TG: variants seen among roughly 807,000 people sequenced by gnomAD.
TG encodes the protein thyroglobulin.
In TG, 270 loss-of-function variants were observed where a neutral mutation model predicts 324.7. That is an observed-to-expected ratio of 0.83 (90% CI 0.75 to 0.92). The LOEUF (loss-of-function observed/expected upper bound fraction) is 0.92. Ranked by LOEUF, TG falls within the 40% of genes least tolerant of loss-of-function variation. The probability of loss-of-function intolerance (pLI) is 0.00; values close to 1 mark genes in which losing one functional copy is unlikely to be tolerated. For missense variants in TG, 3,591 were observed against 3,456.4 expected (o/e 1.04, Z -0.98); for synonymous variants, 1,401 against 1,327.0 (o/e 1.06, Z -1.21).
In TG at chr8:132,886,822, A is replaced by G; in HGVS notation, c.1450A>G (p.Asn484Asp). The G allele has an allele frequency of 6.2e-7, 1 of 1,614,180 alleles. No homozygotes were observed. Among genetic ancestry groups the G allele is most frequent in the South Asian group, 1.1e-5 (1 of 91,076 alleles). Residue 484 changes from asparagine (N) to aspartate (D), a missense_variant, in exon 9 of 48, where the codon AAC (asparagine) becomes GAC (aspartate). Transcript: ENST00000220616. ...GKFLVNVGQFNLSGALGTRGT... is the reference protein window; with the variant it reads ...GKFLVNVGQFDLSGALGTRGT... ...ATTTTTGGTGAATGTTGGCCAGTTT[A>G]ACTTGTCTGGAGCCCTTGGCACAAG... is the stretch of plus-strand genomic sequence containing the variant.
chr8:132,908,139 A>T, intron 17 of TG, 47 bp from the exon 18 acceptor site: 1 of 1,608,848 alleles, frequency 6.2e-7, no homozygotes, highest in East Asian at 2.2e-5. Flanking sequence ...AAAGAAAATA[A>T]CTCTACAGGC....
rs761122665 is a variant in TG, at chr8:132,873,145, G to A, written c.562G>A (p.Glu188Lys). 3 of 1,614,202 alleles carry A rather than the reference G, an allele frequency of 1.9e-6. No homozygotes were observed. Among genetic ancestry groups the A allele is most frequent in the Admixed American group, 3.3e-5 (2 of 60,028 alleles). The change falls in exon 5 of 48, where the codon GAG (glutamate) becomes AAG (lysine). Residue 188 changes from glutamate (E) to lysine (K), a missense_variant. Glu to Lys is a moderately conservative substitution (Grantham distance 56). Coordinates refer to ENST00000220616, the MANE Select transcript of TG (RefSeq NM_003235.5). ...KSPPQCSAEG[E>K]FMPVQCKFVN... ...ACCACCCCAGTGTTCTGCGGAGGGA[G>A]AGTTTATGCCTGTCCAGTGCAAATT...
chr8:132,936,693 C>G (rs1419919252), intron 25 of TG, among the ~76,000 whole-genome samples: 1 of 152,192 alleles, frequency 6.6e-6, no homozygotes, highest in Non-Finnish European at 1.5e-5. Flanking sequence ...TCCCTGGAAT[C>G]CTGAGGTCTG....
chr8:132,993,218 A>C (rs890044445), intron 35 of TG, among the ~76,000 whole-genome samples: 1 of 152,234 alleles, frequency 6.6e-6, no homozygotes, highest in African/African-American at 2.4e-5. Context: ...ATTTAAAGGT[A>C]AAAGTGATCA....
At chr8:133,089,651 G>A (rs546692714) in intron 41 of TG, among the ~76,000 whole-genome samples, 1 of 152,234 alleles carries the variant, frequency 6.6e-6, no homozygotes, top group African/African-American at 2.4e-5. Context: ...CCATCTGCCT[G>A]CCATTCATTC....
At chr8:133,111,604 A>G (rs1409633271) in intron 43 of TG, among the ~76,000 whole-genome samples, 1 of 152,204 alleles carries the variant, frequency 6.6e-6, no homozygotes, top group East Asian at 1.9e-4. Flanking sequence ...GGTAGAATAG[A>G]ATGGAAACTC....
chr8:133,037,075 A>G (rs1345645711), intron 41 of TG: 1 of 152,234 alleles, frequency 6.6e-6, no homozygotes, highest in Middle Eastern at 3.2e-3. Flanking sequence ...GCACATACAC[A>G]TACCAGTAGC....
chr8:133,036,057 G>T lies in TG; in HGVS notation c.7239+6034G>T, dbSNP rs567293024. Reference sequence around the variant, plus strand: ...TGCCTCCTTTTAGCTCCTTCAGCATGCAGTCTTGCTCTTCCTGCCTGCAGG... The same window carrying T: ...TGCCTCCTTTTAGCTCCTTCAGCATTCAGTCTTGCTCTTCCTGCCTGCAGG... On this transcript the variant is annotated intron_variant, in intron 41 of 47. Transcript: ENST00000220616. Among the ~76,000 whole-genome samples, 4 of 152,242 alleles carry T rather than the reference G, an allele frequency of 2.6e-5. No individual in the cohort carries two copies. The East Asian group carries it at 7.7e-4, about 29-fold the overall frequency.
At chr8:133,049,778 A>G (rs1462314961) in intron 41 of TG, 3 of 730,374 alleles carry the variant, frequency 4.1e-6, no homozygotes, top group East Asian at 5.3e-5. Context: ...GGTTGGGAGC[A>G]GGACTATCTC....
intron 43 of TG, among the ~76,000 whole-genome samples, chr8:133,107,474 T>A (rs1033329170): frequency 6.6e-6 from 1 of 152,196 alleles, no homozygotes; most frequent in Non-Finnish European, 1.5e-5. Flanking sequence ...TAATTACAGC[T>A]TGTGGAAGTC....
Position 132,900,239 on chromosome 8 carries a change from A to G in TG, c.3333A>G (p.Thr1111=), listed in dbSNP as rs926482373. The change falls in exon 15 of 48, where the codon ACA becomes ACG. Residue 1111 remains threonine (T), a splice_region_variant and synonymous_variant. Transcript: ENST00000220616. ...KDLFVPACLE[T]GEYARLQASG... is the part of the protein sequence containing the mutation. The stretch of plus-strand genomic sequence containing the variant: ...ACATGACCCCGGCTTTGTCTCAGAC[A>G]GGAGAGTATGCCAGGCTGCAGGCAT... 6.2e-6 allele frequency: 10 copies of G among 1,613,650 alleles called. No homozygotes were observed. Among genetic ancestry groups the G allele is most frequent in the Middle Eastern group, 3.3e-4 (2 of 6,082 alleles).
At chr8:133,046,060 T>C (rs1011129541) in intron 41 of TG, among the ~76,000 whole-genome samples, 3 of 152,198 alleles carry the variant, frequency 2.0e-5, no homozygotes, top group African/African-American at 7.2e-5. Context: ...GTTAGAGCAA[T>C]GACCTGATAT....
intron 41 of TG, among the ~76,000 whole-genome samples, chr8:133,030,888 G>T (rs764276551): frequency 1.1e-4 from 16 of 152,352 alleles, no homozygotes; most frequent in Non-Finnish European, 1.2e-4. Context: ...TGGGGCAGCA[G>T]TGTGGAGCAG....
chr8:132,919,316 G>A (rs1820804324), intron 20 of TG, 60 bp from the exon 21 acceptor site: 1 of 1,561,414 alleles, frequency 6.4e-7, no homozygotes, highest in Admixed American at 1.8e-5. Flanking sequence ...GTGTGTTCTG[G>A]GATTGTAACT....
At chr8:133,060,502 G>T in intron 41 of TG, 2 of 762,322 alleles carry the variant, frequency 2.6e-6, no homozygotes, top group Non-Finnish European at 4.0e-6. Context: ...AGCAGGGTTT[G>T]TGTGAGAAAC....
chr8:133,003,055 CT>C, intron 35 of TG: 1 of 1,067,160 alleles, frequency 9.4e-7, no homozygotes, highest in Non-Finnish European at 1.1e-6. Context: ...TACCTCTCCT[CT>C]TTCCCTTTGT....
At chr8:132,880,392 T>C (rs1227905587) in intron 5 of TG, among the ~76,000 whole-genome samples, 1 of 152,256 alleles carries the variant, frequency 6.6e-6, no homozygotes, top group African/African-American at 2.4e-5. Flanking sequence ...AAGTTATTAT[T>C]ATACTATTAT....
chr8:133,013,930 C>T (rs1834782300), intron 37 of TG, among the ~76,000 whole-genome samples, 166 bp downstream of exon 37: 2 of 152,236 alleles, frequency 1.3e-5, no homozygotes, highest in South Asian at 4.1e-4. Context: ...AAAATTCCTA[C>T]TTCTGTATCA....
intron 35 of TG, among the ~76,000 whole-genome samples, chr8:133,007,226 G>C (rs544683380): frequency 6.6e-6 from 1 of 152,034 alleles, no homozygotes; most frequent in Non-Finnish European, 1.5e-5. Context: ...CTGGAGTGGC[G>C]CTGGAAGGAG....
Sources: allele counts gnomAD v4.1 joint callset (sites outside exome capture counted in the v4.1 genomes callset), GRCh38; gene constraint gnomAD v4.1.1; transcripts MANE v1.5; gene names NCBI Gene and HGNC (gene_info 2026-07-23, HGNC 2026-07-21).